Variants in SLC11A2 observed in about 807,000 individuals in gnomAD.
The protein encoded by SLC11A2 is solute carrier family 11 member 2, also known as natural resistance-associated macrophage protein 2.
A neutral mutation model predicts 68.0 loss-of-function variants in SLC11A2; 38 were observed. The ratio of observed to expected loss-of-function variants is 0.56; its 90% confidence interval spans 0.43 to 0.73. The LOEUF (loss-of-function observed/expected upper bound fraction) is 0.73. Among genes scored for constraint, SLC11A2 ranks in the 30% least tolerant of loss-of-function variants. The pLI, the probability that SLC11A2 is intolerant of heterozygous loss-of-function variation, is 0.00. For synonymous variants in SLC11A2, 242 were observed against 250.6 expected (o/e 0.97, Z 0.32); for missense variants, 517 against 690.5 (o/e 0.75, Z 2.82).
upstream of SLC11A2, among the ~76,000 whole-genome samples, chr12:51,027,626 A>G (rs552551920): frequency 9.9e-5 from 15 of 152,242 alleles, no homozygotes; most frequent in Non-Finnish European, 1.6e-4. Context: ...TCTGAAGATG[A>G]GACTGCCAAA....
the SLC11A2 span, chr12:50,961,138 C>T: frequency 1.9e-6 from 3 of 1,602,116 alleles, no homozygotes; most frequent in African/African-American, 2.7e-5. Flanking sequence ...GTTCAGCTGT[C>T]TTTGAGAGTA....
At chr12:50,960,863 A>T in the SLC11A2 span, 8 of 890,588 alleles carry the variant, frequency 9.0e-6, no homozygotes, top group Non-Finnish European at 3.2e-6. Flanking sequence ...TTTTTTTTTT[A>T]GAGATGGGGT....
At position 51,008,304 on chromosome 12, in the gene SLC11A2, T is replaced by G. The variant is rs542781021; in HGVS notation, c.183+172A>C. ...CAGAGATAGATAGATATAGATGGGG[T>G]GTGTGTGTGTGTGTGTGTGTGTATA... On this transcript the variant is annotated intron_variant, in intron 3 of 15. Transcript: ENST00000262052. 586 of 333,338 alleles carry G rather than the reference T, an allele frequency of 1.8e-3. 5 individuals are homozygous for G. The highest frequency in any genetic ancestry group is 0.018 in the South Asian group (532 of 30,394). 20.6% of individuals were successfully genotyped at this position (333,338 alleles called of 1,614,324 possible).
intron 14 of SLC11A2, 144 bp downstream of exon 14, chr12:50,991,455 T>G: frequency 2.8e-6 from 2 of 711,690 alleles, no homozygotes; most frequent in South Asian, 3.1e-5. Context: ...GTTTCCATTC[T>G]CTAAGCCAAA....
intron 1 of SLC11A2, chr12:51,024,785 C>T (rs1944271914): frequency 6.6e-6 from 1 of 152,320 alleles, no homozygotes; most frequent in East Asian, 1.9e-4. Context: ...GATTTCCTAA[C>T]ATTAGAGTAA....
intron 2 of SLC11A2, among the ~76,000 whole-genome samples, chr12:51,010,255 T>C (rs923659886): frequency 1.3e-5 from 2 of 151,918 alleles, no homozygotes. Context: ...CGGTAGCTCA[T>C]GCTTGTAATC....
the SLC11A2 span, among the ~76,000 whole-genome samples, chr12:50,965,489 G>A: frequency 1.3e-5 from 2 of 151,960 alleles, no homozygotes; most frequent in African/African-American, 4.8e-5. Flanking sequence ...TGCAGGTCAG[G>A]GGACCAGTGT....
intron 11 of SLC11A2, chr12:50,993,191 T>C (rs1481017783): frequency 8.4e-5 from 18 of 214,052 alleles, no homozygotes; most frequent in Non-Finnish European, 1.4e-4. Flanking sequence ...TCTTAAATAT[T>C]AAAAAAAAAA....
downstream of SLC11A2, chr12:50,981,323 T>A (rs1940011075): frequency 6.5e-6 from 1 of 152,730 alleles, no homozygotes; most frequent in African/African-American, 2.4e-5. Context: ...ACAAAACAAA[T>A]ATCTGATATA....
At chr12:50,960,989 T>C in the SLC11A2 span, 1 of 1,599,280 alleles carries the variant, frequency 6.3e-7, no homozygotes. Context: ...TTTGTGACTG[T>C]GGTGTCCTGT....
intron 15 of SLC11A2, among the ~76,000 whole-genome samples, chr12:50,989,385 G>A (rs1248606946): frequency 2.0e-5 from 3 of 152,194 alleles, no homozygotes; most frequent in Non-Finnish European, 4.4e-5. Context: ...CAACTACTCA[G>A]GAGGCTAAGG....
chr12:51,026,470 T>G (rs994875348), upstream of SLC11A2: 1 of 720,380 alleles, frequency 1.4e-6, no homozygotes, highest in Non-Finnish European at 2.0e-6. Flanking sequence ...GCGGCCGGGA[T>G]GCGTGGCCCG....
chr12:50,966,881 C>T, the SLC11A2 span, among the ~76,000 whole-genome samples: 2 of 152,064 alleles, frequency 1.3e-5, no homozygotes, highest in African/African-American at 4.8e-5. Flanking sequence ...TTCGGGAGGC[C>T]AAGGTGGGTA....
downstream of SLC11A2, among the ~76,000 whole-genome samples, chr12:50,981,990 G>C (rs1223745817): frequency 6.6e-6 from 1 of 152,114 alleles, no homozygotes; most frequent in South Asian, 2.1e-4. Context: ...CAAAATAACA[G>C]GTAGGAGCTG....
At chr12:50,959,455 C>T in the SLC11A2 span, among the ~76,000 whole-genome samples, 1 of 152,052 alleles carries the variant, frequency 6.6e-6, no homozygotes. Flanking sequence ...ATACACTATT[C>T]TATTTTCTTC....
Position 50,987,979 on chromosome 12 carries a change from A to T in SLC11A2, c.*346T>A. 1 of 1,275,208 alleles carries T rather than the reference A, an allele frequency of 7.8e-7. No individual in the cohort carries two copies. Among genetic ancestry groups the T allele is most frequent in the Non-Finnish European group, 1.0e-6 (1 of 975,502 alleles). 79.0% of individuals were successfully genotyped at this position (1,275,208 alleles called of 1,614,324 possible). ...AATAAAAAATGTATTGCATTTTCCA[A>T]TTTTTTTTTAACATATAGCCTGGTT... is the stretch of plus-strand genomic sequence containing the variant. On this transcript the variant is annotated 3_prime_UTR_variant, in exon 16 of 16. Transcript: ENST00000262052.
downstream of SLC11A2, among the ~76,000 whole-genome samples, chr12:50,985,387 G>A (rs1940444714): frequency 6.6e-6 from 1 of 152,106 alleles, no homozygotes; most frequent in African/African-American, 2.4e-5. Context: ...TTACTCACAG[G>A]GAAGCCTTGC....
At chr12:50,959,395 T>C in the SLC11A2 span, among the ~76,000 whole-genome samples, 1 of 152,036 alleles carries the variant, frequency 6.6e-6, no homozygotes, top group Non-Finnish European at 1.5e-5. Flanking sequence ...GCTGGGATTA[T>C]AGGTGTGAGC....
At chr12:51,025,800 A>G in intron 1 of SLC11A2, 1 of 986,478 alleles carries the variant, frequency 1.0e-6, no homozygotes, top group Non-Finnish European at 1.2e-6. Context: ...TATGCAGGCT[A>G]TTCACACAGA....
Sources: gnomAD v4.1 joint callset for allele counts (sites outside exome capture counted in the v4.1 genomes callset) on GRCh38, gnomAD v4.1.1 for gene constraint, MANE v1.5 for transcripts, NCBI Gene and HGNC (gene_info 2026-07-23, HGNC 2026-07-21) for gene names.